The following BCAS3 variants were observed in gnomAD, a reference collection of about 807,000 sequenced individuals.
BCAS3 encodes BCAS4/BCAS3 fusion.
A neutral mutation model predicts 116.1 loss-of-function variants in BCAS3; 53 were observed. The ratio of observed to expected loss-of-function variants is 0.46; its 90% CI spans 0.37 to 0.57. The LOEUF (loss-of-function observed/expected upper bound fraction) is 0.57. Among genes scored for constraint, BCAS3 ranks in the 20% least tolerant of loss-of-function variants. BCAS3 has a pLI of 0.00. For missense variants in BCAS3, 917 were observed against 1,165.4 expected (o/e 0.79, Z 3.10); for synonymous variants, 391 against 408.2 (o/e 0.96, Z 0.51).
intron 22 of BCAS3, among the ~76,000 whole-genome samples, chr17:61,230,959 CTTTT>C (rs763299746): frequency 1.6e-3 from 195 of 121,842 alleles, no homozygotes; most frequent in Middle Eastern, 4.4e-3. Context: ...TAGTTTTTGC[CTTTT>C]TTTTTTTTTT....
intron 6 of BCAS3, among the ~76,000 whole-genome samples, chr17:60,760,384 T>A (rs2043407257): frequency 6.7e-6 from 1 of 148,592 alleles, no homozygotes; most frequent in Admixed American, 6.6e-5. Flanking sequence ...GTAGGCCTAG[T>A]CTAGTGGTGA....
At chr17:60,742,427 T>C (rs1481191051) in intron 5 of BCAS3, among the ~76,000 whole-genome samples, 1 of 101,528 alleles carries the variant, frequency 9.8e-6, no homozygotes, top group Non-Finnish European at 2.1e-5. Flanking sequence ...CCTTGACATC[T>C]TTTTTTTTTT....
chr17:60,867,286 A>G (rs2054690160), intron 7 of BCAS3, among the ~76,000 whole-genome samples: 1 of 151,692 alleles, frequency 6.6e-6, no homozygotes. Context: ...TTGTATTTTT[A>G]ATAGAGATGG....
At position 60,682,328 on chromosome 17, in the gene BCAS3, G is replaced by A. The variant is rs997051357; in HGVS notation, c.84-1654G>A. Among the ~76,000 whole-genome samples the A allele has an allele frequency of 8.5e-5, 13 of 152,278 alleles. No homozygotes were observed. The East Asian group carries it at 2.5e-3, about 29-fold the overall frequency. On this transcript the variant is annotated intron_variant, in intron 2 of 23. Transcript: ENST00000407086. ...GTGCTAGGAATTGAAGTTGCATATG[G>A]CTGAATCAGAATAAGGAGAGTGGCA...
chr17:60,892,353 C>G (rs1241885393), intron 10 of BCAS3, among the ~76,000 whole-genome samples: 2 of 146,858 alleles, frequency 1.4e-5, no homozygotes, highest in African/African-American at 5.1e-5. Context: ...GCTTTTGTTG[C>G]CCAGGCTAGA....
intron 14 of BCAS3, among the ~76,000 whole-genome samples, chr17:60,988,185 A>AT (rs551131135): frequency 1.2e-3 from 156 of 125,290 alleles, no homozygotes; most frequent in South Asian, 1.5e-3. Context: ...CTTGGTTGTG[A>AT]TTTTTTTTTT....
intron 22 of BCAS3, among the ~76,000 whole-genome samples, chr17:61,255,172 T>G (rs2144564172): frequency 6.6e-6 from 1 of 152,330 alleles, no homozygotes; most frequent in Admixed American, 6.5e-5. Context: ...TACCAGAGAT[T>G]GGAACCAATT....
chr17:60,748,438 GTCAC>G (rs767984500), intron 6 of BCAS3, among the ~76,000 whole-genome samples: 1 of 152,064 alleles, frequency 6.6e-6, no homozygotes, highest in African/African-American at 2.4e-5. Flanking sequence ...CTCATGCTCT[GTCAC>G]TCTCTCTCTT....
intron 5 of BCAS3, among the ~76,000 whole-genome samples, chr17:60,743,759 T>G (rs986352145): frequency 3.3e-5 from 5 of 152,332 alleles, no homozygotes; most frequent in African/African-American, 1.2e-4. Context: ...CTAAAAGCAC[T>G]TCTACAGCTC....
chr17:61,060,834 A>T (rs569898167), intron 19 of BCAS3, among the ~76,000 whole-genome samples: 1 of 152,320 alleles, frequency 6.6e-6, no homozygotes, highest in South Asian at 2.1e-4. Flanking sequence ...TCTGATTATA[A>T]AGACTTTTTA....
chr17:61,303,130 A>G (rs1328960001), intron 22 of BCAS3, among the ~76,000 whole-genome samples: 1 of 152,232 alleles, frequency 6.6e-6, no homozygotes, highest in Non-Finnish European at 1.5e-5. Flanking sequence ...CTGCTGATAC[A>G]GCAAAGCTGG....
chr17:61,044,465 A>AAAAAAAAAAAAAAAAAAATAT, intron 19 of BCAS3, among the ~76,000 whole-genome samples: 1 of 120,126 alleles, frequency 8.3e-6, no homozygotes, highest in African/African-American at 5.0e-5. Flanking sequence ...AAAAAAAAAA[A>AAAAAAAAAAAAAAAAAAATAT]ATATATATAT....
At chr17:61,054,551 A>G (rs189844277) in intron 19 of BCAS3, among the ~76,000 whole-genome samples, 1 of 152,178 alleles carries the variant, frequency 6.6e-6, no homozygotes, top group East Asian at 1.9e-4. Context: ...ATTTTTGTAG[A>G]GATGAGGTTT....
chr17:60,736,920 CCCTTCCTCCCTCCCTT>C, intron 5 of BCAS3, among the ~76,000 whole-genome samples: 1 of 124,882 alleles, frequency 8.0e-6, no homozygotes, highest in Non-Finnish European at 1.6e-5. Context: ...CTCCCTTCCT[CCCTTCCTCCCTCCCTT>C]CCTTCCTTCC....
chr17:61,080,493 C>A (rs1279382522), intron 21 of BCAS3, among the ~76,000 whole-genome samples: 1 of 151,912 alleles, frequency 6.6e-6, no homozygotes, highest in Non-Finnish European at 1.5e-5. Flanking sequence ...GCCTGTAATC[C>A]CAGCACTTTG....
chr17:61,077,123 G>A lies in BCAS3; in HGVS notation c.2131-1210G>A, dbSNP rs893917270. ...AGTTTGTATATTTAGTCTCTCATTC[G>A]AGTTGATTATTTGTAAAAAAAAAAA... On this transcript the variant is annotated intron_variant, in intron 20 of 23. Transcript: ENST00000407086. The surrounding 1 kb of genome is among the most constrained non-coding windows in gnomAD (Gnocchi z 4.3). Among the ~76,000 whole-genome samples the A allele has an allele frequency of 4.1e-5, 6 of 146,362 alleles. No homozygotes were observed. Among genetic ancestry groups the A allele is most frequent in the African/African-American group, 1.6e-4 (6 of 37,282 alleles).
intron 7 of BCAS3, among the ~76,000 whole-genome samples, chr17:60,834,983 G>A (rs1401532807): frequency 6.7e-6 from 1 of 148,622 alleles, no homozygotes; most frequent in East Asian, 1.9e-4. Context: ...ACTTTATGAT[G>A]TATTTCTTTA....
chr17:60,804,968 G>C (rs912660547), intron 6 of BCAS3, among the ~76,000 whole-genome samples: 32 of 148,440 alleles, frequency 2.2e-4, no homozygotes, highest in Admixed American at 1.9e-3. Flanking sequence ...TTTGAGTGTC[G>C]GGTTTTTTTT....
At chr17:60,840,452 C>G (rs922684832) in intron 7 of BCAS3, among the ~76,000 whole-genome samples, 2 of 152,000 alleles carry the variant, frequency 1.3e-5, no homozygotes, top group Admixed American at 6.5e-5. Context: ...TCTATAGATG[C>G]AAAAAACCTA....
Sources: gnomAD v4.1 joint callset for allele counts (sites outside exome capture counted in the v4.1 genomes callset) on GRCh38, gnomAD v4.1.1 for gene constraint, Gnocchi (gnomAD v3.1) non-coding constraint, MANE v1.5 for transcripts, NCBI Gene and HGNC (gene_info 2026-07-23, HGNC 2026-07-21) for gene names.